Variants in CAMK1D observed in about 807,000 individuals in gnomAD.
The protein encoded by CAMK1D is calcium/calmodulin dependent protein kinase ID, also known as calcium/calmodulin-dependent protein kinase type 1D.
In CAMK1D, 9 loss-of-function variants were observed where a neutral mutation model predicts 47.7. The ratio of observed to expected loss-of-function variants is 0.19; its 90% CI spans 0.11 to 0.33. The LOEUF is 0.33. Among genes scored for constraint, CAMK1D ranks in the 10% least tolerant of loss-of-function variants. The probability of loss-of-function intolerance (pLI) is 1.00; values close to 1 mark genes in which losing one functional copy is unlikely to be tolerated. For synonymous variants in CAMK1D, 184 were observed against 184.9 expected, an observed-to-expected ratio of 0.99 and a Z score of 0.04; for missense variants, 291 against 488.7, an observed-to-expected ratio of 0.60 and a Z score of 3.81.
At chr10:12,779,336 A>G (rs1159724427) in intron 5 of CAMK1D, among the ~76,000 whole-genome samples, 1 of 152,230 alleles carries the variant, frequency 6.6e-6, no homozygotes, top group African/African-American at 2.4e-5. Flanking sequence ...ATCACTGAAC[A>G]TCAGTAGGAA....
At chr10:12,707,270 C>G (rs1320687034) in intron 3 of CAMK1D, among the ~76,000 whole-genome samples, 2 of 152,190 alleles carry the variant, frequency 1.3e-5, no homozygotes, top group African/African-American at 4.8e-5. Context: ...ATTAAGGTTT[C>G]ACTGTAAGCT....
chr10:12,476,002 A>G (rs1319529448), intron 1 of CAMK1D, among the ~76,000 whole-genome samples: 1 of 151,952 alleles, frequency 6.6e-6, no homozygotes, highest in Non-Finnish European at 1.5e-5. Flanking sequence ...TGAGGAAGAG[A>G]GAAGTCTAGG....
Position 12,751,113 on chromosome 10 carries a change from TAAGATAAGATAAGAA to T in CAMK1D, c.300-9834_300-9820del, listed in dbSNP as rs1414178210. On this transcript the variant is annotated intron_variant, in intron 3 of 10. Coordinates refer to ENST00000619168, the MANE Select transcript of CAMK1D (RefSeq NM_153498.4). ...TAAGATAAGATAAGATAAGATAAGATAAGATAAGATAAGAAGGCTTCAGAAGGCTTCTTTCGTGAG... is the reference window on the plus strand; with the variant it reads ...TAAGATAAGATAAGATAAGATAAGATGGCTTCAGAAGGCTTCTTTCGTGAG... 7.3e-5 allele frequency among the ~76,000 whole-genome samples: 6 copies of T among 82,018 alleles called. No individual in the cohort carries two copies. In the East Asian group the frequency reaches 1.0e-3, roughly 14 times the overall value. 53.8% of individuals were successfully genotyped at this position (82,018 alleles called of 152,430 possible).
chr10:12,687,858 C>T (rs1365470797), intron 3 of CAMK1D, among the ~76,000 whole-genome samples: 1 of 152,194 alleles, frequency 6.6e-6, no homozygotes, highest in Non-Finnish European at 1.5e-5. Context: ...TGCCAATATA[C>T]CTCCTGTTCC....
rs115356113 is a variant in CAMK1D at position 12,701,743 on chromosome 10, G to C, written c.299+34933G>C. 5.4e-3 allele frequency among the ~76,000 whole-genome samples: 826 copies of C among 152,314 alleles called. 5 individuals are homozygous for C. Among genetic ancestry groups the C allele is most frequent in the African/African-American group, 0.018 (753 of 41,574 alleles). On this transcript the variant is annotated intron_variant, in intron 3 of 10. Coordinates refer to ENST00000619168, the MANE Select transcript of CAMK1D (RefSeq NM_153498.4). ...AAACATACTCATTTGCTTCTAGAAA[G>C]GAAATCTATGGTTCTTTTCTCCGAG...
intron 1 of CAMK1D, among the ~76,000 whole-genome samples, chr10:12,486,393 C>T (rs1011797683): frequency 9.2e-5 from 14 of 152,156 alleles, no homozygotes; most frequent in Non-Finnish European, 4.4e-5. Context: ...CTCCTGACCT[C>T]GTGATCTGCC....
At chr10:12,476,837 TG>T (rs1833916856) in intron 1 of CAMK1D, among the ~76,000 whole-genome samples, 1 of 152,198 alleles carries the variant, frequency 6.6e-6, no homozygotes, top group African/African-American at 2.4e-5. Flanking sequence ...CCTGCCCATC[TG>T]TACACTGGAG....
At chr10:12,710,771 C>A (rs1297531912) in intron 3 of CAMK1D, among the ~76,000 whole-genome samples, 1 of 152,176 alleles carries the variant, frequency 6.6e-6, no homozygotes, top group Non-Finnish European at 1.5e-5. Context: ...AATAACTAAT[C>A]ACACAGCAGA....
chr10:12,449,890 C>T (rs1238266657), intron 1 of CAMK1D, among the ~76,000 whole-genome samples: 1 of 152,060 alleles, frequency 6.6e-6, no homozygotes, highest in African/African-American at 2.4e-5. Context: ...TCCCAGCTAA[C>T]TGGGAGGCTG....
chr10:12,542,191 T>C (rs1301497843), intron 1 of CAMK1D, among the ~76,000 whole-genome samples: 2 of 152,170 alleles, frequency 1.3e-5, no homozygotes, highest in Non-Finnish European at 2.9e-5. Flanking sequence ...TTCAGTGTTT[T>C]AAAACCAGCC....
intron 1 of CAMK1D, among the ~76,000 whole-genome samples, chr10:12,476,873 G>A (rs1833917941): frequency 6.6e-6 from 1 of 152,152 alleles, no homozygotes; most frequent in Non-Finnish European, 1.5e-5. Flanking sequence ...CGTTCTGTCT[G>A]CTCCAGGTCC....
intron 1 of CAMK1D, among the ~76,000 whole-genome samples, chr10:12,387,408 TATA>T (rs1183592969): frequency 2.2e-5 from 1 of 45,454 alleles, no homozygotes; most frequent in African/African-American, 5.0e-5. Flanking sequence ...TTTTATATAT[TATA>T]TATATTTTAT....
chr10:12,702,139 C>T (rs1198540018), intron 3 of CAMK1D, among the ~76,000 whole-genome samples: 1 of 152,098 alleles, frequency 6.6e-6, no homozygotes, highest in Non-Finnish European at 1.5e-5. Context: ...TTTCTAGAAG[C>T]AGCATTCTGT....
chr10:12,784,196 G>GTT lies in CAMK1D; in HGVS notation c.566-6961_566-6960insTT, dbSNP rs1446768711. Among the ~76,000 whole-genome samples the GTT allele has an allele frequency of 7.5e-4, 82 of 108,964 alleles. 1 individual carries two copies. Among genetic ancestry groups the GTT allele is most frequent in the African/African-American group, 2.6e-3 (78 of 30,076 alleles). 71.5% of individuals were successfully genotyped at this position (108,964 alleles called of 152,430 possible). A position where few individuals can be genotyped will look rare whatever the true frequency, so the allele number is the denominator to read the frequency against. ...AGACCCGAACTTCCTTGGAGAAAAGGTATTTTTTTTTTTTTTTTTTGAGAT... is the reference window on the plus strand; with the variant it reads ...AGACCCGAACTTCCTTGGAGAAAAGGTTTATTTTTTTTTTTTTTTTTTGAGAT... On this transcript the variant is annotated intron_variant, in intron 5 of 10. Transcript: ENST00000619168.
chr10:12,590,156 G>A (rs1397033374), intron 2 of CAMK1D, among the ~76,000 whole-genome samples: 2 of 152,122 alleles, frequency 1.3e-5, no homozygotes, highest in African/African-American at 4.8e-5. Context: ...TTCTTGCTGC[G>A]GAGTTAATGA....
At chr10:12,503,468 A>G (rs1834768385) in intron 1 of CAMK1D, among the ~76,000 whole-genome samples, 1 of 152,184 alleles carries the variant, frequency 6.6e-6, no homozygotes, top group East Asian at 1.9e-4. Flanking sequence ...AGAGCAGGTG[A>G]GGCGAAGAGG....
chr10:12,466,737 C>T (rs533668899), intron 1 of CAMK1D, among the ~76,000 whole-genome samples: 2 of 152,018 alleles, frequency 1.3e-5, no homozygotes, highest in Non-Finnish European at 2.9e-5. Flanking sequence ...CCTCTCAAGC[C>T]TCTGACCTTA....
rs189326635 is a variant in CAMK1D at position 12,800,545 on chromosome 10, A to C, written c.641+9312A>C. Among the ~76,000 whole-genome samples, 15 of 152,340 alleles carry C rather than the reference A, an allele frequency of 9.8e-5. No homozygotes were observed. In the East Asian group the frequency reaches 1.7e-3, roughly 18 times the overall value. Reference sequence around the variant, plus strand: ...TGACATCCTAAGGAGCAATGCCCAGAGTTGATTGATTTTGCTCGTGTTTTT... The same window carrying C: ...TGACATCCTAAGGAGCAATGCCCAGCGTTGATTGATTTTGCTCGTGTTTTT... On this transcript the variant is annotated intron_variant, in intron 6 of 10. Coordinates refer to ENST00000619168, the MANE Select transcript of CAMK1D (RefSeq NM_153498.4).
Position 12,373,262 on chromosome 10 carries a change from G to A in CAMK1D, c.92+23352G>A, listed in dbSNP as rs575429181. On this transcript the variant is annotated intron_variant, in intron 1 of 10. Transcript: ENST00000619168. Reference sequence around the variant, plus strand: ...CAGGAAGTTGAGGCTGCAGTGAGCCGTGATCACGCCATGGCACTCCAGCCT... The same window carrying A: ...CAGGAAGTTGAGGCTGCAGTGAGCCATGATCACGCCATGGCACTCCAGCCT... Among the ~76,000 whole-genome samples the A allele has an allele frequency of 5.3e-5, 8 of 151,380 alleles. No homozygotes were observed. The East Asian group carries it at 1.4e-3, about 26-fold the overall frequency.
Sources: gnomAD v4.1 joint callset for allele counts (sites outside exome capture counted in the v4.1 genomes callset) on GRCh38, gnomAD v4.1.1 for gene constraint, MANE v1.5 for transcripts, NCBI Gene and HGNC (gene_info 2026-07-23, HGNC 2026-07-21) for gene names.